Variants in ANKS1B observed in about 807,000 individuals in gnomAD.
ANKS1B encodes ankyrin repeat and sterile alpha motif domain containing 1B, also known as ankyrin repeat and sterile alpha motif domain-containing protein 1B.
In ANKS1B, 36 loss-of-function variants were observed where a neutral mutation model predicts 148.3. The observed-to-expected ratio is 0.24, with a 90% CI of 0.19 to 0.32. The LOEUF is 0.32. ANKS1B is among the 10% of genes least tolerant of loss of function. ANKS1B has a pLI of 1.00. For missense variants in ANKS1B, 1,157 were observed against 1,542.6 expected (o/e 0.75, Z 4.19); for synonymous variants, 542 against 560.8 (o/e 0.97, Z 0.47).
chr12:99,490,557 T>G (rs964047165), intron 10 of ANKS1B, among the ~76,000 whole-genome samples: 1 of 152,258 alleles, frequency 6.6e-6, no homozygotes, highest in African/African-American at 2.4e-5. Flanking sequence ...CCTAGTTTTC[T>G]CTTTTCCCTT....
intron 9 of ANKS1B, among the ~76,000 whole-genome samples, chr12:99,543,503 T>A (rs1326654242): frequency 6.6e-6 from 1 of 152,134 alleles, no homozygotes. Context: ...AAACAAATGT[T>A]CATACAAAAA....
chr12:99,531,296 T>C (rs2096987480), intron 9 of ANKS1B, among the ~76,000 whole-genome samples: 1 of 152,228 alleles, frequency 6.6e-6, no homozygotes, highest in Non-Finnish European at 1.5e-5. Flanking sequence ...ATTTTTACTT[T>C]TTATTTCAAT....
At chr12:99,642,564 C>G (rs2098320569) in intron 9 of ANKS1B, among the ~76,000 whole-genome samples, 1 of 152,142 alleles carries the variant, frequency 6.6e-6, no homozygotes. Flanking sequence ...GTCTGTAATT[C>G]CAGCACTTTG....
intron 1 of ANKS1B, among the ~76,000 whole-genome samples, chr12:99,903,381 C>G (rs1204490492): frequency 6.6e-6 from 1 of 152,164 alleles, no homozygotes; most frequent in Non-Finnish European, 1.5e-5. Flanking sequence ...GGAAGTTCCC[C>G]TTCCTCTTCA....
At chr12:99,754,719 C>T (rs890368796) in intron 8 of ANKS1B, among the ~76,000 whole-genome samples, 2 of 152,086 alleles carry the variant, frequency 1.3e-5, no homozygotes, top group African/African-American at 4.8e-5. Flanking sequence ...CAACTACATG[C>T]AAACTGAATA....
chr12:99,226,233 G>A (rs1470788216), intron 14 of ANKS1B, among the ~76,000 whole-genome samples: 2 of 152,128 alleles, frequency 1.3e-5, no homozygotes, highest in Admixed American at 6.5e-5. Flanking sequence ...TGCTGTAAGT[G>A]CACAGGGTAA....
intron 9 of ANKS1B, among the ~76,000 whole-genome samples, chr12:99,559,661 T>C (rs908233952): frequency 6.6e-6 from 1 of 152,184 alleles, no homozygotes; most frequent in African/African-American, 2.4e-5. Context: ...TTATTTTCCC[T>C]GTTCTCAGAA....
chr12:99,207,345 A>G (rs567589084), intron 14 of ANKS1B, among the ~76,000 whole-genome samples: 1 of 149,762 alleles, frequency 6.7e-6, no homozygotes, highest in African/African-American at 2.5e-5. Flanking sequence ...TTTTTCAGTA[A>G]CTTTAACTCT....
At chr12:99,872,681 C>T (rs1465805775) in intron 1 of ANKS1B, among the ~76,000 whole-genome samples, 1 of 151,998 alleles carries the variant, frequency 6.6e-6, no homozygotes, top group Non-Finnish European at 1.5e-5. Context: ...TTTTTGTGTA[C>T]CCTTTTGTAT....
intron 15 of ANKS1B, among the ~76,000 whole-genome samples, chr12:99,107,250 C>T (rs972195685): frequency 2.6e-5 from 4 of 151,950 alleles, no homozygotes; most frequent in Non-Finnish European, 4.4e-5. Flanking sequence ...CCTCTAAGAG[C>T]CATTTCTTAT....
intron 12 of ANKS1B, among the ~76,000 whole-genome samples, chr12:99,366,882 C>A (rs2092799749): frequency 6.6e-6 from 1 of 151,934 alleles, no homozygotes; most frequent in Admixed American, 6.6e-5. Flanking sequence ...TCATCATAAA[C>A]AAAATCAGAG....
chr12:99,363,790 C>G (rs995224339), intron 12 of ANKS1B, among the ~76,000 whole-genome samples: 2 of 152,062 alleles, frequency 1.3e-5, no homozygotes, highest in African/African-American at 4.8e-5. Context: ...TCAGATCAAA[C>G]AAGGACAAAT....
chr12:99,272,910 A>G (rs562586827), intron 12 of ANKS1B, among the ~76,000 whole-genome samples: 11 of 152,324 alleles, frequency 7.2e-5, no homozygotes, highest in African/African-American at 2.4e-4. Flanking sequence ...ATTATTGTGC[A>G]GTGCTATTAC....
chr12:99,397,527 T>A (rs1458044077), intron 12 of ANKS1B, among the ~76,000 whole-genome samples: 2 of 152,048 alleles, frequency 1.3e-5, no homozygotes, highest in South Asian at 4.1e-4. Flanking sequence ...GAAAACGGGA[T>A]GATTTGATAG....
At chr12:99,450,884 G>T (rs1439106217) in intron 10 of ANKS1B, among the ~76,000 whole-genome samples, 1 of 152,070 alleles carries the variant, frequency 6.6e-6, no homozygotes, top group African/African-American at 2.4e-5. Context: ...TCCTTTCAAA[G>T]AAAATCCAAA....
chr12:99,282,575 G>A (rs542382684), intron 12 of ANKS1B, among the ~76,000 whole-genome samples: 2 of 152,280 alleles, frequency 1.3e-5, no homozygotes, highest in African/African-American at 4.8e-5. Context: ...GGCAGGAAAA[G>A]ACCATGGCTT....
At chr12:99,663,830 A>G (rs538864663) in intron 8 of ANKS1B, among the ~76,000 whole-genome samples, 4 of 152,196 alleles carry the variant, frequency 2.6e-5, no homozygotes, top group African/African-American at 9.6e-5. Context: ...TTAATAGTAC[A>G]TGAGACATTA....
intron 1 of ANKS1B, among the ~76,000 whole-genome samples, chr12:99,845,259 A>G (rs1048705993): frequency 2.0e-5 from 3 of 151,980 alleles, no homozygotes; most frequent in Admixed American, 1.3e-4. Flanking sequence ...AGAACTTCCA[A>G]TACTTGAATA....
At chr12:98,937,263 G>GAA (rs1271844661) in intron 17 of ANKS1B, among the ~76,000 whole-genome samples, 5 of 152,026 alleles carry the variant, frequency 3.3e-5, no homozygotes. Context: ...TTACATTTAT[G>GAA]AAAACCATAA....
Sources: gnomAD v4.1 joint callset for allele counts (sites outside exome capture counted in the v4.1 genomes callset) on GRCh38, gnomAD v4.1.1 for gene constraint, MANE v1.5 for transcripts, NCBI Gene and HGNC (gene_info 2026-07-23, HGNC 2026-07-21) for gene names.